Variants in WAC observed in about 807,000 individuals in gnomAD.
WAC encodes the protein WW domain-containing adapter protein with coiled-coil.
WAC carries 11 observed loss-of-function variants against 79.6 expected under a neutral mutation model. The ratio of observed to expected loss-of-function variants is 0.14; its 90% CI spans 0.09 to 0.23. WAC has a LOEUF of 0.23. Among genes scored for constraint, WAC ranks in the 10% least tolerant of loss-of-function variants. The pLI is 1.00. For missense variants in WAC, 728 were observed against 773.5 expected (o/e 0.94, Z 0.70); for synonymous variants, 304 against 276.9 (o/e 1.10, Z -0.97).
At position 28,620,869 on chromosome 10, in the gene WAC, T is replaced by C. The variant is rs2132891282; in HGVS notation, c.*1263T>C. 6.6e-6 allele frequency: 1 copy of C among 152,324 alleles called. No individual in the cohort carries two copies. Among genetic ancestry groups the C allele is most frequent in the African/African-American group, 2.4e-5 (1 of 41,582 alleles). 9.4% of individuals were successfully genotyped at this position (152,324 alleles called of 1,614,324 possible). A position where few individuals can be genotyped will look rare whatever the true frequency, so the allele number is the denominator to read the frequency against. On this transcript the variant is annotated 3_prime_UTR_variant, in exon 14 of 14. Coordinates refer to ENST00000354911, the MANE Select transcript of WAC (RefSeq NM_016628.5). ...TGGTGCTGACTGCTGTTCTTAGCCA[T>C]CACAAAACGCTAAATTTGTGTAATT...
intron 7 of WAC, among the ~76,000 whole-genome samples, chr10:28,606,931 A>G (rs1046014560): frequency 7.2e-5 from 11 of 152,194 alleles, no homozygotes; most frequent in African/African-American, 2.7e-4. Context: ...ACTCTTTGCC[A>G]ACATTTGGTA....
At chr10:28,561,928 A>C (rs568669867) in intron 3 of WAC, among the ~76,000 whole-genome samples, 167 of 152,132 alleles carry the variant, frequency 1.1e-3, no homozygotes, top group Non-Finnish European at 1.8e-3. Context: ...CTTCCCAACC[A>C]CCCTCTACCC....
intron 7 of WAC, among the ~76,000 whole-genome samples, chr10:28,601,500 G>A (rs948724826): frequency 2.6e-5 from 4 of 152,054 alleles, no homozygotes; most frequent in African/African-American, 7.2e-5. Flanking sequence ...AATACAGTTC[G>A]GCAGTTCTTC....
Position 28,608,381 on chromosome 10 carries a change from C to A in WAC, c.1115C>A (p.Ala372Asp). ...AGACAATTGCTTCCTGCTTTGCAAG[C>A]CACGCTGCAGCTTAATAATTCTAAT... ...LLRQLLPALQ[A>D]TLQLNNSNVD... Residue 372 changes from alanine (A) to aspartate (D), a missense_variant, in exon 8 of 14, where the codon GCC becomes GAC. Around this residue, in one of 3 missense-constraint regions of WAC, gnomAD observed 648 missense variants for 661.5 expected, o/e 0.98. Coordinates refer to ENST00000354911, the MANE Select transcript of WAC (RefSeq NM_016628.5). The A allele has an allele frequency of 6.2e-7, 1 of 1,613,278 alleles. No individual in the cohort carries two copies. The highest frequency in any genetic ancestry group is 8.5e-7 in the Non-Finnish European group (1 of 1,179,538).
intron 3 of WAC, among the ~76,000 whole-genome samples, chr10:28,566,181 C>G (rs1212825602): frequency 6.6e-6 from 1 of 152,112 alleles, no homozygotes; most frequent in East Asian, 1.9e-4. Context: ...CTGTCTTACT[C>G]TTTTGGTGTC....
At chr10:28,619,435 A>C in intron 13 of WAC, 102 bp from the exon 14 acceptor site, 1 of 855,954 alleles carries the variant, frequency 1.2e-6, no homozygotes, top group Non-Finnish European at 1.7e-6. Flanking sequence ...CCTTAATTAG[A>C]AATCACTTGT....
chr10:28,539,435 TGA>T (rs1836879088), intron 3 of WAC, among the ~76,000 whole-genome samples: 1 of 152,256 alleles, frequency 6.6e-6, no homozygotes, highest in South Asian at 2.1e-4. Flanking sequence ...ATAGGTTATG[TGA>T]GAGTATAATT....
chr10:28,599,695 C>T (rs1840546772), intron 7 of WAC, among the ~76,000 whole-genome samples: 1 of 151,918 alleles, frequency 6.6e-6, no homozygotes, highest in Non-Finnish European at 1.5e-5. Flanking sequence ...GAGAAAGAAC[C>T]TAAGGTGAAT....
chr10:28,566,977 G>GT (rs1227327334), intron 3 of WAC, among the ~76,000 whole-genome samples: 1 of 146,662 alleles, frequency 6.8e-6, no homozygotes, highest in African/African-American at 2.5e-5. Context: ...AGGACCTTCA[G>GT]TTTTGCATAT....
At chr10:28,548,134 G>C (rs751694533) in intron 3 of WAC, among the ~76,000 whole-genome samples, 24 of 151,690 alleles carry the variant, frequency 1.6e-4, no homozygotes, top group Non-Finnish European at 3.2e-4. Flanking sequence ...TGTTAGCCAG[G>C]CTGGTCTTGA....
intron 12 of WAC, among the ~76,000 whole-genome samples, chr10:28,617,247 C>A (rs558803709): frequency 6.6e-6 from 1 of 152,200 alleles, no homozygotes; most frequent in South Asian, 2.1e-4. Flanking sequence ...CTGGGGTGTT[C>A]GAAAGTTTAC....
chr10:28,537,319 TACTCTCTATCAACC>T (rs1250794370), intron 3 of WAC, among the ~76,000 whole-genome samples: 1 of 152,192 alleles, frequency 6.6e-6, no homozygotes, highest in African/African-American at 2.4e-5. Flanking sequence ...CCTGAGATGG[TACTCTCTATCAACC>T]ACTCTTCTAT....
At chr10:28,603,178 GGAA>G (rs557287166) in intron 7 of WAC, among the ~76,000 whole-genome samples, 249 of 152,248 alleles carry the variant, frequency 1.6e-3, no homozygotes, top group Non-Finnish European at 2.6e-3. Context: ...GGGCCACATT[GGAA>G]GAAGAAGAAT....
intron 7 of WAC, among the ~76,000 whole-genome samples, chr10:28,604,082 AT>A (rs555925805): frequency 1.4e-5 from 2 of 145,400 alleles, no homozygotes; most frequent in South Asian, 4.3e-4. Flanking sequence ...AAGGTGGTTT[AT>A]TTTTATAAGA....
intron 4 of WAC, among the ~76,000 whole-genome samples, chr10:28,584,357 C>G (rs1237619734): frequency 6.6e-6 from 1 of 152,048 alleles, no homozygotes; most frequent in Non-Finnish European, 1.5e-5. Context: ...TAGTGTAGCA[C>G]GGTTAGAGAA....
chr10:28,599,343 C>CT (rs1203324378), intron 7 of WAC, among the ~76,000 whole-genome samples: 2 of 152,154 alleles, frequency 1.3e-5, no homozygotes, highest in African/African-American at 4.8e-5. Flanking sequence ...AGAGCAGAGT[C>CT]TTTGTCTTTC....
intron 7 of WAC, among the ~76,000 whole-genome samples, chr10:28,603,658 TGCG>T (rs1413430676): frequency 6.6e-6 from 1 of 151,878 alleles, no homozygotes; most frequent in Non-Finnish European, 1.5e-5. Context: ...GTAGGCCAGG[TGCG>T]GTAGCTCACG....
intron 6 of WAC, among the ~76,000 whole-genome samples, chr10:28,592,589 C>G (rs796449417): frequency 1.2e-4 from 18 of 152,060 alleles, no homozygotes; most frequent in African/African-American, 4.3e-4. Flanking sequence ...CCACTGTACT[C>G]CAGCCTGGGT....
chr10:28,606,720 A>G (rs371863485), intron 7 of WAC, among the ~76,000 whole-genome samples: 24 of 152,340 alleles, frequency 1.6e-4, no homozygotes, highest in African/African-American at 5.5e-4. Context: ...ACTAAAAGCA[A>G]ACAGAGTGCT....
Sources: allele counts gnomAD v4.1 joint callset (sites outside exome capture counted in the v4.1 genomes callset), GRCh38; gene constraint gnomAD v4.1.1; regional missense constraint gnomAD v4.1.1; transcripts MANE v1.5; gene names NCBI Gene and HGNC (gene_info 2026-07-23, HGNC 2026-07-21).